The following PCSK2 variants were observed in gnomAD, a reference collection of about 807,000 sequenced individuals.
The protein encoded by PCSK2 is proprotein convertase subtilisin/kexin type 2, also known as neuroendocrine convertase 2.
A neutral mutation model predicts 69.7 loss-of-function variants in PCSK2; 14 were observed. The ratio of observed to expected loss-of-function variants is 0.20; its 90% confidence interval spans 0.13 to 0.31. The LOEUF is 0.31. Ranked by LOEUF, PCSK2 falls within the 10% of genes least tolerant of loss-of-function variation. The pLI is 1.00. For missense variants in PCSK2, 544 were observed against 842.5 expected, an observed-to-expected ratio of 0.65 and a Z score of 4.39; for synonymous variants, 307 against 320.7, an observed-to-expected ratio of 0.96 and a Z score of 0.46.
chr20:17,427,395 G>C (rs549563290), intron 6 of PCSK2, among the ~76,000 whole-genome samples: 41 of 152,166 alleles, frequency 2.7e-4, no homozygotes, highest in African/African-American at 9.6e-4. Context: ...AAATCCACAG[G>C]GTTGCGCACA....
intron 5 of PCSK2, among the ~76,000 whole-genome samples, chr20:17,381,818 G>A (rs1218182324): frequency 6.6e-6 from 1 of 152,090 alleles, no homozygotes; most frequent in East Asian, 1.9e-4. Flanking sequence ...TCTCTATCAT[G>A]TAAAGAATGT....
intron 2 of PCSK2, among the ~76,000 whole-genome samples, chr20:17,303,552 A>AT (rs1432746786): frequency 5.9e-5 from 3 of 50,436 alleles, no homozygotes; most frequent in Admixed American, 3.4e-4. Context: ...AATATGATAT[A>AT]ATATATATTA....
intron 2 of PCSK2, among the ~76,000 whole-genome samples, chr20:17,276,881 A>G (rs960119117): frequency 6.6e-6 from 1 of 152,214 alleles, no homozygotes; most frequent in Admixed American, 6.5e-5. Context: ...CTCAGGATAC[A>G]AAATCAATGT....
chr20:17,419,859 C>A (rs148467716), intron 6 of PCSK2, among the ~76,000 whole-genome samples: 1 of 152,310 alleles, frequency 6.6e-6, no homozygotes, highest in African/African-American at 2.4e-5. Flanking sequence ...GTCATCCCTG[C>A]CATTGACGAT....
chr20:17,410,052 T>G (rs73259765), intron 6 of PCSK2, among the ~76,000 whole-genome samples: 130 of 152,318 alleles, frequency 8.5e-4, no homozygotes, highest in African/African-American at 3.0e-3. Context: ...TTGACGTCCT[T>G]GGGTGAAGTT....
chr20:17,355,733 C>T (rs1275376521), intron 2 of PCSK2, among the ~76,000 whole-genome samples: 1 of 151,654 alleles, frequency 6.6e-6, no homozygotes, highest in Admixed American at 6.6e-5. Flanking sequence ...AAATAATTGA[C>T]CAAGGCCCCC....
At chr20:17,270,814 C>T (rs1189050594) in intron 2 of PCSK2, among the ~76,000 whole-genome samples, 1 of 152,068 alleles carries the variant, frequency 6.6e-6, no homozygotes, top group Non-Finnish European at 1.5e-5. Flanking sequence ...AGAAAAGGAA[C>T]ATGATAGAGT....
At chr20:17,479,247 T>G in intron 11 of PCSK2, 1 of 1,236,504 alleles carries the variant, frequency 8.1e-7, no homozygotes, top group Non-Finnish European at 1.2e-6. Flanking sequence ...AATACATTTA[T>G]AAGCTTTTCC....
intron 2 of PCSK2, among the ~76,000 whole-genome samples, chr20:17,353,994 C>A (rs75973583): frequency 0.013 from 1,916 of 152,200 alleles, 14 homozygotes; most frequent in East Asian, 0.035. Flanking sequence ...ATGGGGACTA[C>A]TAGAAAAGAG....
At chr20:17,302,765 G>A (rs2206452) in intron 2 of PCSK2, among the ~76,000 whole-genome samples, 135,843 of 152,154 alleles carry the variant, frequency 0.89, 60,761 homozygotes, top group East Asian at 0.95. Context: ...GGAACGCACT[G>A]TGATGTTGTT....
At chr20:17,300,809 C>G (rs1989056178) in intron 2 of PCSK2, among the ~76,000 whole-genome samples, 1 of 152,178 alleles carries the variant, frequency 6.6e-6, no homozygotes, top group Non-Finnish European at 1.5e-5. Flanking sequence ...AAATTACCCT[C>G]AAAAGGAGCA....
chr20:17,266,765 GTGTGAGGCAAAGGAACCGGACCTT>G (rs369582997), intron 2 of PCSK2, among the ~76,000 whole-genome samples: 1 of 152,266 alleles, frequency 6.6e-6, no homozygotes, highest in African/African-American at 2.4e-5. Context: ...AGTTACCCCA[GTGTGAGGCAAAGGAACCGGACCTT>G]TGTGCCCCCA....
chr20:17,245,366 C>T (rs959658982), intron 1 of PCSK2, among the ~76,000 whole-genome samples: 9 of 152,204 alleles, frequency 5.9e-5, no homozygotes, highest in Admixed American at 3.3e-4. Flanking sequence ...ACACTTTATA[C>T]GACCTTGCCA....
chr20:17,257,475 T>TA (rs1332722716), intron 1 of PCSK2, among the ~76,000 whole-genome samples: 2 of 152,202 alleles, frequency 1.3e-5, no homozygotes, highest in Non-Finnish European at 2.9e-5. Context: ...CATGCACACA[T>TA]ATGTTTATTT....
intron 2 of PCSK2, among the ~76,000 whole-genome samples, chr20:17,289,042 G>A (rs1463231435): frequency 6.6e-6 from 1 of 152,206 alleles, no homozygotes; most frequent in Non-Finnish European, 1.5e-5. Context: ...ACCACCTTGT[G>A]CCTAGAAAGA....
intron 10 of PCSK2, among the ~76,000 whole-genome samples, chr20:17,461,029 C>A (rs983603352): frequency 6.6e-6 from 1 of 152,092 alleles, no homozygotes; most frequent in Non-Finnish European, 1.5e-5. Context: ...TTCCACTGGG[C>A]TCTCGGTGGA....
chr20:17,335,707 C>A (rs1990330301), intron 2 of PCSK2, among the ~76,000 whole-genome samples: 1 of 151,822 alleles, frequency 6.6e-6, no homozygotes, highest in African/African-American at 2.4e-5. Flanking sequence ...TTTGTGTCCT[C>A]ATAGCTTAGC....
At chr20:17,478,621 C>T (rs1197892068) in intron 11 of PCSK2, among the ~76,000 whole-genome samples, 6 of 152,094 alleles carry the variant, frequency 3.9e-5, no homozygotes, top group Non-Finnish European at 8.8e-5. Flanking sequence ...ATATTGTGTA[C>T]AACTAAGTGA....
intron 2 of PCSK2, among the ~76,000 whole-genome samples, chr20:17,289,211 T>C (rs746987844): frequency 2.6e-5 from 4 of 152,198 alleles, no homozygotes; most frequent in Admixed American, 6.5e-5. Context: ...TTAGTCAATA[T>C]CTAGGTTGAA....
Sources: allele counts gnomAD v4.1 joint callset (sites outside exome capture counted in the v4.1 genomes callset), GRCh38; gene constraint gnomAD v4.1.1; transcripts MANE v1.5; gene names NCBI Gene and HGNC (gene_info 2026-07-23, HGNC 2026-07-21).